The following SMYD3 variants were observed in gnomAD, a reference collection of about 807,000 sequenced individuals.
SMYD3 encodes the protein SET and MYND domain containing 3, also known as histone-lysine N-methyltransferase SMYD3.
In SMYD3, 36 loss-of-function variants were observed where a neutral mutation model predicts 57.7. That is an observed-to-expected ratio of 0.62 (90% CI 0.48 to 0.82). SMYD3 has a LOEUF of 0.82. Among genes scored for constraint, SMYD3 ranks in the 40% least tolerant of loss-of-function variants. The pLI is 0.00. For synonymous variants in SMYD3, 211 were observed against 195.0 expected (o/e 1.08, Z -0.68); for missense variants, 515 against 538.8 (o/e 0.96, Z 0.44).
chr1:246,071,773 G>A (rs972251843), intron 5 of SMYD3, among the ~76,000 whole-genome samples: 4 of 150,060 alleles, frequency 2.7e-5, no homozygotes, highest in Middle Eastern at 3.5e-3. Context: ...GCTCACTGTC[G>A]CTGCATCCTG....
At chr1:246,184,133 G>A (rs12568199) in intron 5 of SMYD3, among the ~76,000 whole-genome samples, 3,476 of 152,246 alleles carry the variant, frequency 0.023, 205 homozygotes, top group East Asian at 0.22. Flanking sequence ...GAGCACCAAA[G>A]CAGTAAAGGC....
At chr1:246,222,878 T>C (rs1190267421) in intron 5 of SMYD3, among the ~76,000 whole-genome samples, 1 of 152,168 alleles carries the variant, frequency 6.6e-6, no homozygotes, top group Non-Finnish European at 1.5e-5. Flanking sequence ...CACGGTACAT[T>C]TGATGCTAAA....
intron 1 of SMYD3, among the ~76,000 whole-genome samples, chr1:246,488,266 T>G (rs2068217477): frequency 5.3e-5 from 8 of 152,188 alleles, no homozygotes; most frequent in Admixed American, 5.2e-4. Flanking sequence ...TGACTGAAAC[T>G]AACAGAAGAA....
At chr1:246,431,141 T>C (rs2067291426) in intron 1 of SMYD3, among the ~76,000 whole-genome samples, 1 of 151,498 alleles carries the variant, frequency 6.6e-6, no homozygotes, top group African/African-American at 2.4e-5. Flanking sequence ...ACAGGAAAAA[T>C]CACCAAATGT....
At chr1:246,076,010 AT>A (rs988165418) in intron 5 of SMYD3, among the ~76,000 whole-genome samples, 1 of 151,870 alleles carries the variant, frequency 6.6e-6, no homozygotes, top group African/African-American at 2.4e-5. Context: ...TACAATAAAA[AT>A]TTTTTTCATG....
chr1:246,273,152 T>G (rs1341373187), intron 5 of SMYD3, among the ~76,000 whole-genome samples: 6 of 131,554 alleles, frequency 4.6e-5, no homozygotes. Context: ...TTTTTTTTTT[T>G]CTTTTTTTTG....
chr1:246,352,286 C>G (rs2065844299), intron 2 of SMYD3, among the ~76,000 whole-genome samples: 1 of 152,030 alleles, frequency 6.6e-6, no homozygotes, highest in South Asian at 2.1e-4. Flanking sequence ...TCCCACACAT[C>G]AAATGCTAAG....
At chr1:246,396,779 T>C (rs2066681449) in intron 1 of SMYD3, among the ~76,000 whole-genome samples, 1 of 152,236 alleles carries the variant, frequency 6.6e-6, no homozygotes, top group Admixed American at 6.5e-5. Context: ...TTCCGCTTTG[T>C]CTTTCACTAT....
chr1:245,959,722 A>G (rs1008411980), intron 5 of SMYD3, among the ~76,000 whole-genome samples: 4 of 152,200 alleles, frequency 2.6e-5, no homozygotes, highest in Admixed American at 6.5e-5. Context: ...AAAGCATAAC[A>G]TTCACAGAAC....
chr1:245,874,714 A>G (rs12123988), intron 8 of SMYD3, among the ~76,000 whole-genome samples: 19,563 of 152,210 alleles, frequency 0.13, 1,458 homozygotes, highest in South Asian at 0.29. Context: ...TTTAAAAAAA[A>G]ATTCTAGAAT....
At chr1:245,919,358 A>G (rs1485826173) in intron 7 of SMYD3, among the ~76,000 whole-genome samples, 2 of 152,152 alleles carry the variant, frequency 1.3e-5, no homozygotes, top group African/African-American at 2.4e-5. Context: ...TAGACCTCTG[A>G]AACAATGAAC....
At chr1:245,882,180 T>C (rs2052818491) in intron 8 of SMYD3, among the ~76,000 whole-genome samples, 1 of 152,098 alleles carries the variant, frequency 6.6e-6, no homozygotes, top group Non-Finnish European at 1.5e-5. Context: ...ACTCACAGGA[T>C]TATACATGTT....
chr1:245,877,891 C>A (rs1459827055), intron 8 of SMYD3, among the ~76,000 whole-genome samples: 2 of 152,142 alleles, frequency 1.3e-5, no homozygotes, highest in East Asian at 1.9e-4. Context: ...TGGAAGTCAA[C>A]GCCACGCAGG....
intron 5 of SMYD3, among the ~76,000 whole-genome samples, chr1:246,223,963 T>G (rs1392150699): frequency 1.3e-5 from 2 of 152,136 alleles, no homozygotes; most frequent in Non-Finnish European, 2.9e-5. Flanking sequence ...AACTGAAGGA[T>G]TCTTTTCATT....
intron 5 of SMYD3, among the ~76,000 whole-genome samples, chr1:246,116,201 GACACACACAC>G (rs56722969): frequency 0.14 from 19,719 of 145,678 alleles, 1,766 homozygotes; most frequent in East Asian, 0.39. Context: ...CCCTGAGATG[GACACACACAC>G]ACACACACAC....
At chr1:246,014,714 T>C (rs564307146) in intron 5 of SMYD3, among the ~76,000 whole-genome samples, 2 of 152,214 alleles carry the variant, frequency 1.3e-5, no homozygotes, top group African/African-American at 4.8e-5. Flanking sequence ...CCCAGGAAGG[T>C]ACAGAATCCA....
intron 2 of SMYD3, among the ~76,000 whole-genome samples, chr1:246,340,152 A>G (rs890518226): frequency 3.7e-4 from 56 of 152,214 alleles, no homozygotes; most frequent in African/African-American, 1.3e-3. Flanking sequence ...ATTGTTCTAT[A>G]GAAATAAATA....
At chr1:246,490,887 C>G (rs1272796300) in intron 1 of SMYD3, among the ~76,000 whole-genome samples, 4 of 152,002 alleles carry the variant, frequency 2.6e-5, no homozygotes, top group Admixed American at 1.3e-4. Flanking sequence ...AATAAATGGT[C>G]TTTTAAAAAG....
intron 5 of SMYD3, among the ~76,000 whole-genome samples, chr1:246,245,886 G>A (rs1052574467): frequency 4.7e-4 from 72 of 152,208 alleles, no homozygotes; most frequent in Non-Finnish European, 6.6e-4. Context: ...GTAAATATAA[G>A]TTTAATAAAA....
Sources: gnomAD v4.1 joint callset for allele counts (sites outside exome capture counted in the v4.1 genomes callset) on GRCh38, gnomAD v4.1.1 for gene constraint, MANE v1.5 for transcripts, NCBI Gene and HGNC (gene_info 2026-07-23, HGNC 2026-07-21) for gene names.